PKD2: variants seen among roughly 807,000 people sequenced by gnomAD.
The protein encoded by PKD2 is polycystin-2.
A neutral mutation model predicts 105.9 loss-of-function variants in PKD2; 48 were observed. The observed-to-expected ratio is 0.45, with a 90% CI of 0.36 to 0.58. PKD2 has a LOEUF of 0.58. Ranked by LOEUF, PKD2 falls within the 20% of genes least tolerant of loss-of-function variation. The probability of loss-of-function intolerance (pLI) is 0.00; values close to 1 mark genes in which losing one functional copy is unlikely to be tolerated. For synonymous variants in PKD2, 464 were observed against 481.1 expected, an observed-to-expected ratio of 0.96 and a Z score of 0.46; for missense variants, 1,078 against 1,255.3, an observed-to-expected ratio of 0.86 and a Z score of 2.13.
chr4:88,054,042 C>G (rs915146772), intron 7 of PKD2, among the ~76,000 whole-genome samples: 1 of 151,680 alleles, frequency 6.6e-6, no homozygotes. Context: ...CTGAGAATTA[C>G]TGAAGTTTCC....
chr4:88,036,310 A>C lies in PKD2; in HGVS notation c.800A>C (p.Lys267Thr), dbSNP rs777884847. Reference protein sequence around the residue: ...FLDTPVSKTEKTNFKTLSSME... With the variant: ...FLDTPVSKTETTNFKTLSSME... ...GACACCCCCGTGTCCAAAACGGAGA[A>C]AACTAACTTTAAAACTCTGTCTTCC... The change falls in exon 3 of 15, where the codon AAA (lysine) becomes ACA (threonine). Residue 267 changes from lysine to threonine, a missense_variant. By Grantham distance (78) the Lys-to-Thr change is moderately conservative (BLOSUM62 -1). Around this residue, in one of 2 missense-constraint regions of PKD2, gnomAD observed 868 missense variants for 1,067.3 expected, o/e 0.81. Coordinates refer to ENST00000237596, the MANE Select transcript of PKD2 (RefSeq NM_000297.4). 2 of 1,614,046 alleles carry C rather than the reference A, an allele frequency of 1.2e-6. No individual in the cohort carries two copies. The highest frequency in any genetic ancestry group is 4.5e-5 in the East Asian group (2 of 44,900).
At chr4:88,019,340 AAAG>A (rs1299350664) in intron 1 of PKD2, 115 bp from the exon 2 acceptor site, 1 of 651,580 alleles carries the variant, frequency 1.5e-6, no homozygotes, top group Non-Finnish European at 2.7e-6. Context: ...AAAAAAAAAA[AAAG>A]GAGAATCTCC....
chr4:88,038,834 A>G (rs1292546390), intron 4 of PKD2, among the ~76,000 whole-genome samples: 5 of 152,150 alleles, frequency 3.3e-5, no homozygotes, highest in Non-Finnish European at 5.9e-5. Flanking sequence ...ATCATCCACT[A>G]AGTTATTTAA....
chr4:88,057,316 T>G (rs964623151), intron 8 of PKD2, among the ~76,000 whole-genome samples: 1 of 152,096 alleles, frequency 6.6e-6, no homozygotes, highest in Non-Finnish European at 1.5e-5. Context: ...TAAAGAAATT[T>G]TTAACTTTAG....
intron 13 of PKD2, among the ~76,000 whole-genome samples, chr4:88,073,934 G>A (rs1278931813): frequency 2.6e-5 from 4 of 152,064 alleles, no homozygotes; most frequent in African/African-American, 9.7e-5. Flanking sequence ...TAAAGTATTT[G>A]TATACATTTT....
At chr4:88,047,814 A>G (rs558091459) in intron 6 of PKD2, among the ~76,000 whole-genome samples, 22 of 152,306 alleles carry the variant, frequency 1.4e-4, no homozygotes, top group African/African-American at 5.3e-4. Context: ...CCTGGGCAAC[A>G]TAGTGAGACC....
chr4:88,033,442 A>C (rs1303336764), intron 2 of PKD2, among the ~76,000 whole-genome samples: 1 of 151,870 alleles, frequency 6.6e-6, no homozygotes, highest in African/African-American at 2.4e-5. Flanking sequence ...AAAAAAAAAA[A>C]AGTTACAATA....
At chr4:88,057,538 C>T (rs1395896089) in intron 8 of PKD2, among the ~76,000 whole-genome samples, 6 of 150,812 alleles carry the variant, frequency 4.0e-5, no homozygotes, top group Admixed American at 1.3e-4. Context: ...CGGGTTCAAG[C>T]GATTCTCCTG....
chr4:88,035,310 A>T (rs1357443926), intron 2 of PKD2, among the ~76,000 whole-genome samples: 2 of 152,220 alleles, frequency 1.3e-5, no homozygotes, highest in Non-Finnish European at 2.9e-5. Flanking sequence ...ATAGGGTTCC[A>T]TTCAAGATAT....
At chr4:88,052,222 C>A in intron 7 of PKD2, 64 bp downstream of exon 7, 2 of 1,033,022 alleles carry the variant, frequency 1.9e-6, no homozygotes, top group South Asian at 2.7e-5. Context: ...ATGAGTTCCA[C>A]AAAATCATGG....
chr4:88,069,049 C>T (rs747250360), intron 13 of PKD2, among the ~76,000 whole-genome samples: 13 of 152,146 alleles, frequency 8.5e-5, no homozygotes, highest in Non-Finnish European at 1.8e-4. Flanking sequence ...ATGTTATCCA[C>T]TTTATCTCTA....
intron 10 of PKD2, among the ~76,000 whole-genome samples, chr4:88,063,234 A>G (rs1720648237): frequency 1.3e-5 from 2 of 152,236 alleles, no homozygotes; most frequent in African/African-American, 2.4e-5. Context: ...CCCATGTGAC[A>G]TTTTACAAAA....
chr4:88,007,989 G>T lies in PKD2; in HGVS notation c.256G>T (p.Ala86Ser). 1 of 1,514,996 alleles carries T rather than the reference G, an allele frequency of 6.6e-7. No homozygotes were observed. Among genetic ancestry groups the T allele is most frequent in the Middle Eastern group, 1.7e-4 (1 of 5,840 alleles). The allele number at this position is 1,514,996 out of a possible 1,614,324, so 93.8% of individuals were successfully genotyped here. Reference sequence around the variant, plus strand: ...TCCGCTCTCGTCGTGCTCCCGGCAGGCGTGGAGCCGCGATAACCCCGGCTT... The same window carrying T: ...TCCGCTCTCGTCGTGCTCCCGGCAGTCGTGGAGCCGCGATAACCCCGGCTT... ...SPPLSSCSRQ[A>S]WSRDNPGFEA... The change falls in exon 1 of 15, where the codon GCG (alanine) becomes TCG (serine). Residue 86 changes from alanine to serine, a missense_variant. By Grantham distance (99) the Ala-to-Ser change is moderately conservative (BLOSUM62 1). This residue lies in a region of PKD2 where 210 missense variants were observed against 187.9 expected (regional missense o/e 1.12). Transcript: ENST00000237596.
At position 88,023,445 on chromosome 4, in the gene PKD2, G is replaced by A. The variant is rs141815632; in HGVS notation, c.709+3874G>A. Among the ~76,000 whole-genome samples, 374 of 152,296 alleles carry A rather than the reference G, an allele frequency of 2.5e-3. 3 individuals are homozygous for A. The highest frequency in any genetic ancestry group is 8.6e-3 in the African/African-American group (357 of 41,564). ...ATCTGATCACCTCGTACCAGGCCCC[G>A]CCTTCAGCATTGGGGATTATGTTTC... On this transcript the variant is annotated intron_variant, in intron 2 of 14. Transcript: ENST00000237596.
intron 9 of PKD2, 93 bp from the exon 10 acceptor site, chr4:88,061,810 AAAG>A (rs1384697577): frequency 1.4e-6 from 1 of 706,608 alleles, no homozygotes; most frequent in African/African-American, 1.8e-5. Flanking sequence ...ATTAGGAAAA[AAAG>A]GATAAACAAA....
At chr4:88,009,064 CA>C (rs1361715274) in intron 1 of PKD2, among the ~76,000 whole-genome samples, 4 of 151,978 alleles carry the variant, frequency 2.6e-5, no homozygotes, top group Non-Finnish European at 4.4e-5. Context: ...GAAATTCCAC[CA>C]AAATGATGAA....
intron 9 of PKD2, among the ~76,000 whole-genome samples, chr4:88,059,626 A>G (rs1253579704): frequency 6.6e-6 from 1 of 152,194 alleles, no homozygotes; most frequent in Non-Finnish European, 1.5e-5. Context: ...TCACCAGAAC[A>G]TGAAAAGAAG....
At chr4:88,059,222 G>A (rs867773481) in intron 9 of PKD2, among the ~76,000 whole-genome samples, 8 of 152,130 alleles carry the variant, frequency 5.3e-5, no homozygotes, top group South Asian at 4.1e-4. Context: ...GGACTGAAAA[G>A]GTCAGGAATA....
At chr4:88,030,343 C>T (rs146418142) in intron 2 of PKD2, among the ~76,000 whole-genome samples, 6 of 152,170 alleles carry the variant, frequency 3.9e-5, no homozygotes, top group African/African-American at 9.6e-5. Flanking sequence ...CATTTTGCTG[C>T]CCAGGCTGTT....
Sources: allele counts gnomAD v4.1 joint callset (sites outside exome capture counted in the v4.1 genomes callset), GRCh38; gene constraint gnomAD v4.1.1; regional missense constraint gnomAD v4.1.1; transcripts MANE v1.5; gene names NCBI Gene and HGNC (gene_info 2026-07-23, HGNC 2026-07-21).